PBX2: variants seen among roughly 807,000 people sequenced by gnomAD.
PBX2 encodes pre-B-cell leukemia transcription factor 2.
In PBX2, 10 loss-of-function variants were observed where a neutral mutation model predicts 46.5. That is an observed-to-expected ratio of 0.21 (90% confidence interval 0.13 to 0.36). The LOEUF (loss-of-function observed/expected upper bound fraction) is 0.36. Ranked by LOEUF, PBX2 falls within the 10% of genes least tolerant of loss-of-function variation. PBX2 has a pLI of 1.00. For missense variants in PBX2, 392 were observed against 580.5 expected (o/e 0.68, Z 3.34); for synonymous variants, 160 against 222.5 (o/e 0.72, Z 2.50).
chr6:32,188,232 AC>A lies in PBX2; in HGVS notation c.543+24del. On this transcript the variant is annotated intron_variant, in intron 3 of 8. Coordinates refer to ENST00000375050, the MANE Select transcript of PBX2 (RefSeq NM_002586.5). This position sits in a 1 kb window ranked among gnomAD's most constrained non-coding sequence, Gnocchi z 6.5. ...TTCCCCTGCAAGAGCCCTTCCCTCC[AC>A]CCACCCAAGCCTCCTCTCCTTACCT... is the stretch of plus-strand genomic sequence containing the variant. The A allele has an allele frequency of 6.2e-7, 1 of 1,609,236 alleles. No individual in the cohort carries two copies. Among genetic ancestry groups the A allele is most frequent in the Non-Finnish European group, 8.5e-7 (1 of 1,176,598 alleles).
rs1328373979 is a variant in PBX2, at chr6:32,188,857, G to A, written c.222-61C>T. 3 of 1,475,024 alleles carry A rather than the reference G, an allele frequency of 2.0e-6. No individual in the cohort carries two copies. The highest frequency in any genetic ancestry group is 3.3e-5 in the Admixed American group (2 of 59,774). The allele number at this position is 1,475,024 out of a possible 1,614,324, so 91.4% of individuals were successfully genotyped here. On this transcript the variant is annotated intron_variant, in intron 1 of 8. Coordinates refer to ENST00000375050, the MANE Select transcript of PBX2 (RefSeq NM_002586.5). This position sits in a 1 kb window ranked among gnomAD's most constrained non-coding sequence, Gnocchi z 6.5. Reference sequence around the variant, plus strand: ...GAGGAGCTAGAGAAACAGAGCAGGGGGCCTGAGAACAAGGAGGGAGGAGGG... The same window carrying A: ...GAGGAGCTAGAGAAACAGAGCAGGGAGCCTGAGAACAAGGAGGGAGGAGGG...
At position 32,184,744 on chromosome 6, in the gene PBX2, AAG is replaced by A. The variant is rs530186184; in HGVS notation, c.*1636_*1637del. The stretch of plus-strand genomic sequence containing the variant: ...AATTCTCAACTAAACCCAGGGAAAA[AAG>A]AAATTTCTTTATTTAAAACTGCATT... On this transcript the variant is annotated 3_prime_UTR_variant, in exon 9 of 9. Coordinates refer to ENST00000375050, the MANE Select transcript of PBX2 (RefSeq NM_002586.5). The A allele has an allele frequency of 3.0e-3, 469 of 156,924 alleles. 1 individual carries two copies. Among genetic ancestry groups the A allele is most frequent in the Admixed American group, 4.5e-3 (70 of 15,428 alleles). 9.7% of individuals were successfully genotyped at this position (156,924 alleles called of 1,614,324 possible).
rs1787199474 is a variant in PBX2 at position 32,187,521 on chromosome 6, G to C, written c.870+126C>G. 6.7e-7 allele frequency: 1 copy of C among 1,495,822 alleles called. No individual in the cohort carries two copies. Among genetic ancestry groups the C allele is most frequent in the Non-Finnish European group, 9.1e-7 (1 of 1,101,820 alleles). The allele number at this position is 1,495,822 out of a possible 1,614,324, so 92.7% of individuals were successfully genotyped here. On this transcript the variant is annotated intron_variant, in intron 5 of 8. Transcript: ENST00000375050. The surrounding 1 kb of genome is among the most constrained non-coding windows in gnomAD (Gnocchi z 7.7). Reference sequence around the variant, plus strand: ...TCTCACTATGCTGTTGCCCAGGCTGGTCTCCAATTCAAGTGATCCTCCCAC... The same window carrying C: ...TCTCACTATGCTGTTGCCCAGGCTGCTCTCCAATTCAAGTGATCCTCCCAC...
In PBX2 at chr6:32,188,271, C is replaced by G. The variant is rs1787232922; in HGVS notation, c.529G>C (p.Glu177Gln). 1 of 1,613,784 alleles carries G rather than the reference C, an allele frequency of 6.2e-7. No homozygotes were observed. Among genetic ancestry groups the G allele is most frequent in the South Asian group, 1.1e-5 (1 of 91,072 alleles). ...QIRHIYHSELEKYEQACNEFT... is the reference protein window; with the variant it reads ...QIRHIYHSELQKYEQACNEFT... ...CCTCTCCTTACCTGCTCATACTTCT[C>G]CAGCTCCGAGTGGTATATGTGACGG... is the stretch of plus-strand genomic sequence containing the variant. The change falls in exon 3 of 9, where the codon GAG (glutamate) becomes CAG (glutamine). Residue 177 changes from glutamate to glutamine, a missense_variant. Coordinates refer to ENST00000375050, the MANE Select transcript of PBX2 (RefSeq NM_002586.5). The surrounding 1 kb of genome is among the most constrained non-coding windows in gnomAD (Gnocchi z 6.5).
In PBX2 at chr6:32,187,573, C is replaced by T. The variant is rs1787200514; in HGVS notation, c.870+74G>A. On this transcript the variant is annotated intron_variant, in intron 5 of 8. Coordinates refer to ENST00000375050, the MANE Select transcript of PBX2 (RefSeq NM_002586.5). The surrounding 1 kb of genome is among the most constrained non-coding windows in gnomAD (Gnocchi z 7.7). ...TCAGCCTCCCTAGTAGCTGGGATTACAGGAACACACCACTGCACCTAGCTG... is the reference window on the plus strand; with the variant it reads ...TCAGCCTCCCTAGTAGCTGGGATTATAGGAACACACCACTGCACCTAGCTG... The T allele has an allele frequency of 1.3e-6, 2 of 1,535,090 alleles. No individual in the cohort carries two copies. The highest frequency in any genetic ancestry group is 8.8e-7 in the Non-Finnish European group (1 of 1,136,204).
rs117014283 is a variant in PBX2, at chr6:32,186,180, C to T, written c.*202G>A. The T allele has an allele frequency of 5.7e-3, 3,344 of 584,952 alleles. 134 individuals carry two copies. The East Asian group carries it at 0.065, about 11-fold the overall frequency. 36.2% of individuals were successfully genotyped at this position (584,952 alleles called of 1,614,324 possible). ...AGATGGAAAAAAGGGAGAGACAGACCCCACACTCCCCTTAGAGGCCCCATT... is the reference window on the plus strand; with the variant it reads ...AGATGGAAAAAAGGGAGAGACAGACTCCACACTCCCCTTAGAGGCCCCATT... On this transcript the variant is annotated 3_prime_UTR_variant, in exon 9 of 9. Transcript: ENST00000375050. This position sits in a 1 kb window ranked among gnomAD's most constrained non-coding sequence, Gnocchi z 4.2.
chr6:32,187,600 G>A lies in PBX2; in HGVS notation c.870+47C>T, dbSNP rs1278427568. 6.4e-7 allele frequency: 1 copy of A among 1,562,442 alleles called. No homozygotes were observed. On this transcript the variant is annotated intron_variant, in intron 5 of 8. Transcript: ENST00000375050. The surrounding 1 kb of genome is among the most constrained non-coding windows in gnomAD (Gnocchi z 7.7). ...GGAACACACCACTGCACCTAGCTGA[G>A]ATGCGTGCACTTTGCCTGACAACTC... is the stretch of plus-strand genomic sequence containing the variant.
At position 32,188,605 on chromosome 6, in the gene PBX2, C is replaced by A. The variant is rs1389590597; in HGVS notation, c.296-101G>T. On this transcript the variant is annotated intron_variant, in intron 2 of 8. Transcript: ENST00000375050. The surrounding 1 kb of genome is among the most constrained non-coding windows in gnomAD (Gnocchi z 6.5). ...AGAGCCAAGTTCCCAGGCTTTGGTTCCTTCCCCAGTCCCCCTGACTCCTTA... is the reference window on the plus strand; with the variant it reads ...AGAGCCAAGTTCCCAGGCTTTGGTTACTTCCCCAGTCCCCCTGACTCCTTA... 6.3e-7 allele frequency: 1 copy of A among 1,575,766 alleles called. No individual in the cohort carries two copies. The highest frequency in any genetic ancestry group is 8.7e-7 in the Non-Finnish European group (1 of 1,154,932).
chr6:32,187,096 C>T lies in PBX2; in HGVS notation c.1024+146G>A. 11 of 1,133,344 alleles carry T rather than the reference C, an allele frequency of 9.7e-6. No individual in the cohort carries two copies. Among genetic ancestry groups the T allele is most frequent in the Non-Finnish European group, 1.4e-5 (11 of 789,804 alleles). 70.2% of individuals were successfully genotyped at this position (1,133,344 alleles called of 1,614,324 possible). A position where few individuals can be genotyped will look rare whatever the true frequency, so the allele number is the denominator to read the frequency against. ...AGAACTAAGATCACTGGAATGGCCT[C>T]TGTCCCCTGACATCTCCAGCCTATC... On this transcript the variant is annotated intron_variant, in intron 6 of 8. Transcript: ENST00000375050. This position sits in a 1 kb window ranked among gnomAD's most constrained non-coding sequence, Gnocchi z 7.7.
chr6:32,189,683 G>A lies in PBX2; in HGVS notation c.221+12C>T, dbSNP rs779039300. 11 of 1,594,978 alleles carry A rather than the reference G, an allele frequency of 6.9e-6. No individual in the cohort carries two copies. The highest frequency in any genetic ancestry group is 6.7e-5 in the Admixed American group (4 of 59,616). Reference sequence around the variant, plus strand: ...CTGGGTCTGTGTGGGGTCCCGGAGTGGGGGCACTCACTTGGCCTGGGCCTC... The same window carrying A: ...CTGGGTCTGTGTGGGGTCCCGGAGTAGGGGCACTCACTTGGCCTGGGCCTC... On this transcript the variant is annotated intron_variant, in intron 1 of 8. Coordinates refer to ENST00000375050, the MANE Select transcript of PBX2 (RefSeq NM_002586.5). This position sits in a 1 kb window ranked among gnomAD's most constrained non-coding sequence, Gnocchi z 4.7.
Position 32,188,281 on chromosome 6 carries a change from G to A in PBX2, c.519C>T (p.His173=). The change falls in exon 3 of 9, where the codon CAC becomes CAT. Residue 173 remains histidine, a synonymous_variant. Transcript: ENST00000375050. The surrounding 1 kb of genome is among the most constrained non-coding windows in gnomAD (Gnocchi z 6.5). ...CCTGCTCATACTTCTCCAGCTCCGA[G>A]TGGTATATGTGACGGATCTGGGCAA... ...SKLAQIRHIY[H]SELEKYEQAC... The A allele has an allele frequency of 6.2e-7, 1 of 1,613,948 alleles. No homozygotes were observed. Among genetic ancestry groups the A allele is most frequent in the South Asian group, 1.1e-5 (1 of 91,072 alleles).
In PBX2 at chr6:32,186,849, C is replaced by T. The variant is rs1459779867; in HGVS notation, c.1077G>A (p.Met359Ile). Reference protein sequence around the residue: ...LSGSGDMFLGMPGLNGDSYSA... With the variant: ...LSGSGDMFLGIPGLNGDSYSA... ...AATAGGAATCTCCGTTGAGCCCAGG[C>T]ATCCCCAGAAACATGTCTCCAGATC... Residue 359 changes from methionine to isoleucine, a missense_variant, in exon 7 of 9, where the codon ATG becomes ATA. Physicochemically the swap from Met to Ile is conservative, Grantham distance 10. Transcript: ENST00000375050. This position sits in a 1 kb window ranked among gnomAD's most constrained non-coding sequence, Gnocchi z 4.2. The T allele has an allele frequency of 5.0e-6, 8 of 1,614,152 alleles. No individual in the cohort carries two copies. Among genetic ancestry groups the T allele is most frequent in the Non-Finnish European group, 6.8e-6 (8 of 1,180,026 alleles).
rs548765963 is a variant in PBX2 at position 32,186,481 on chromosome 6, G to T, written c.1201-7C>A. 2.2e-5 allele frequency: 35 copies of T among 1,613,068 alleles called. No homozygotes were observed. The African/African-American group carries it at 4.1e-4, about 19-fold the overall frequency. On this transcript the variant is annotated splice_polypyrimidine_tract_variant and splice_region_variant and intron_variant, in intron 8 of 8. Coordinates refer to ENST00000375050, the MANE Select transcript of PBX2 (RefSeq NM_002586.5). This position sits in a 1 kb window ranked among gnomAD's most constrained non-coding sequence, Gnocchi z 4.2. ...CTTGCCAGCTGCCATTTGCCTGAAA[G>T]GAGAGACAGAGTACAGAAAACAGAG...
chr6:32,187,307 G>C lies in PBX2; in HGVS notation c.959C>G (p.Thr320Ser), dbSNP rs1378359406. ...GCCCCCCTGGGTGACTGACACGGCG[G>C]TCTTGACAGCATAGATGTTTGCCTC... ...QEEANIYAVK[T>S]AVSVTQGGHS... is the part of the protein sequence containing the mutation. Residue 320 changes from threonine to serine, a missense_variant, in exon 6 of 9, where the codon ACC becomes AGC. By Grantham distance (58) the Thr-to-Ser change is moderately conservative. This residue lies in a region of PBX2 where 116 missense variants were observed against 157.9 expected (regional missense o/e 0.73). Transcript: ENST00000375050. This position sits in a 1 kb window ranked among gnomAD's most constrained non-coding sequence, Gnocchi z 7.7. The C allele has an allele frequency of 1.9e-6, 3 of 1,612,984 alleles. No individual in the cohort carries two copies. Among genetic ancestry groups the C allele is most frequent in the African/African-American group, 2.7e-5 (2 of 74,928 alleles).
rs559942838 is a variant in PBX2, at chr6:32,185,679, G to A, written c.*703C>T. The A allele has an allele frequency of 1.3e-5, 2 of 148,218 alleles. No homozygotes were observed. The highest frequency in any genetic ancestry group is 2.2e-4 in the South Asian group (1 of 4,632). The allele number at this position is 148,218 out of a possible 1,614,324, so 9.2% of individuals were successfully genotyped here. A position where few individuals can be genotyped will look rare whatever the true frequency, so the allele number is the denominator to read the frequency against. On this transcript the variant is annotated 3_prime_UTR_variant, in exon 9 of 9. Transcript: ENST00000375050. ...CAACAAAAAAAACAGATGGATCCCA[G>A]GGTTTCTTTTTCTTTCTTTAAAAAA...
Position 32,189,619 on chromosome 6 carries a change from G to T in PBX2, c.221+76C>A. The stretch of plus-strand genomic sequence containing the variant: ...CCTGGAGAGGGCCCTGGAGTTGGGG[G>T]GGGCTCCCAGAAGATTCAGAACATG... On this transcript the variant is annotated intron_variant, in intron 1 of 8. Transcript: ENST00000375050. The surrounding 1 kb of genome is among the most constrained non-coding windows in gnomAD (Gnocchi z 4.7). The T allele has an allele frequency of 8.9e-7, 1 of 1,118,188 alleles. No homozygotes were observed. The highest frequency in any genetic ancestry group is 1.3e-5 in the South Asian group (1 of 75,042). 69.3% of individuals were successfully genotyped at this position (1,118,188 alleles called of 1,614,324 possible). A position where few individuals can be genotyped will look rare whatever the true frequency, so the allele number is the denominator to read the frequency against.
rs768646893 is a variant in PBX2 at position 32,188,249 on chromosome 6, C to A, written c.543+8G>T. The A allele has an allele frequency of 1.2e-6, 2 of 1,613,392 alleles. No homozygotes were observed. The highest frequency in any genetic ancestry group is 2.7e-5 in the African/African-American group (2 of 74,920). The stretch of plus-strand genomic sequence containing the variant: ...TTCCCTCCACCCACCCAAGCCTCCT[C>A]TCCTTACCTGCTCATACTTCTCCAG... On this transcript the variant is annotated splice_region_variant and intron_variant, in intron 3 of 8. Coordinates refer to ENST00000375050, the MANE Select transcript of PBX2 (RefSeq NM_002586.5). This position sits in a 1 kb window ranked among gnomAD's most constrained non-coding sequence, Gnocchi z 6.5.
Position 32,188,481 on chromosome 6 carries a change from C to G in PBX2, c.319G>C (p.Glu107Gln). 6.2e-7 allele frequency: 1 copy of G among 1,613,890 alleles called. No homozygotes were observed. The highest frequency in any genetic ancestry group is 8.5e-7 in the Non-Finnish European group (1 of 1,179,972). Residue 107 changes from glutamate (E) to glutamine (Q), a missense_variant, in exon 3 of 9, where the codon GAG (glutamate) becomes CAG (glutamine). Coordinates refer to ENST00000375050, the MANE Select transcript of PBX2 (RefSeq NM_002586.5). The surrounding 1 kb of genome is among the most constrained non-coding windows in gnomAD (Gnocchi z 6.5). ...AGCTGTGGGTCCACCGGCTCCTCCT[C>G]CTGGGAGCTCCGAATGCTGAGGCCT... ...KTGLSIRSSQ[E>Q]EEPVDPQLMR...
Position 32,187,114 on chromosome 6 carries a change from A to T in PBX2, c.1024+128T>A, listed in dbSNP as rs1048111786. On this transcript the variant is annotated intron_variant, in intron 6 of 8. Coordinates refer to ENST00000375050, the MANE Select transcript of PBX2 (RefSeq NM_002586.5). The surrounding 1 kb of genome is among the most constrained non-coding windows in gnomAD (Gnocchi z 7.7). ...ATGGCCTCTGTCCCCTGACATCTCC[A>T]GCCTATCTCAGCTCGGTCCCTCTCA... The T allele has an allele frequency of 1.6e-6, 2 of 1,231,880 alleles. No individual in the cohort carries two copies. Among genetic ancestry groups the T allele is most frequent in the Non-Finnish European group, 2.3e-6 (2 of 874,460 alleles). The allele number at this position is 1,231,880 out of a possible 1,614,324, so 76.3% of individuals were successfully genotyped here. A position where few individuals can be genotyped will look rare whatever the true frequency, so the allele number is the denominator to read the frequency against.
Sources: gnomAD v4.1 joint callset for allele counts on GRCh38, gnomAD v4.1.1 for gene constraint, gnomAD v4.1.1 regional missense constraint, Gnocchi (gnomAD v3.1) non-coding constraint, MANE v1.5 for transcripts, NCBI Gene and HGNC (gene_info 2026-07-23, HGNC 2026-07-21) for gene names.